The following TMEM156 variants were observed in gnomAD, a reference collection of about 807,000 sequenced individuals.
The protein encoded by TMEM156 is transmembrane protein 156.
Under a neutral mutation model 30.5 loss-of-function variants are expected in TMEM156, and 28 were observed. The observed-to-expected ratio is 0.92, with a 90% CI of 0.68 to 1.26. TMEM156 has a LOEUF of 1.26. Among genes scored for constraint, TMEM156 ranks in the 50% most tolerant of loss-of-function variants. The pLI, the probability that TMEM156 is intolerant of heterozygous loss-of-function variation, is 0.00. For synonymous variants in TMEM156, 137 were observed against 119.9 expected, an observed-to-expected ratio of 1.14 and a Z score of -0.93; for missense variants, 351 against 340.6, an observed-to-expected ratio of 1.03 and a Z score of -0.24.
In TMEM156 at chr4:39,026,797, C is replaced by T. The variant is rs767948502; in HGVS notation, c.88+5429G>A. Reference sequence around the variant, plus strand: ...CAAAAATTAGCTGGACATGGTGGTGCGTGCCTGTAGTCCCAGCTACTCGGG... The same window carrying T: ...CAAAAATTAGCTGGACATGGTGGTGTGTGCCTGTAGTCCCAGCTACTCGGG... On this transcript the variant is annotated intron_variant, in intron 1 of 6. Transcript: ENST00000381938. 2.0e-4 allele frequency among the ~76,000 whole-genome samples: 31 copies of T among 151,870 alleles called. No individual in the cohort carries two copies. In the Middle Eastern group the frequency reaches 0.01, roughly 50 times the overall value.
At chr4:39,023,060 A>G (rs1464988663) in intron 1 of TMEM156, among the ~76,000 whole-genome samples, 2 of 152,158 alleles carry the variant, frequency 1.3e-5, no homozygotes, top group East Asian at 3.9e-4. Flanking sequence ...GTGGGAGGTA[A>G]TTAGGTCATG....
At position 38,973,110 on chromosome 4, in the gene TMEM156, A is replaced by G. The variant is rs373947164; in HGVS notation, c.824-1973T>C. Among the ~76,000 whole-genome samples, 35 of 152,244 alleles carry G rather than the reference A, an allele frequency of 2.3e-4. 1 individual carries two copies. The highest frequency in any genetic ancestry group is 8.2e-4 in the African/African-American group (34 of 41,538). ...TGAGTGTGAGATCTTGATTAAGTTA[A>G]CTTGTTGTCCTAAACGATTATTCAG... On this transcript the variant is annotated intron_variant, in intron 5 of 6. Coordinates refer to ENST00000381938, the MANE Select transcript of TMEM156 (RefSeq NM_024943.3).
intron 2 of TMEM156, 33 bp downstream of exon 2, chr4:38,998,607 A>G (rs1322331023): frequency 2.6e-6 from 4 of 1,565,530 alleles, no homozygotes; most frequent in Non-Finnish European, 8.6e-7. Context: ...TATACCTGAT[A>G]CCATTTTATT....
chr4:38,992,748 TTA>T (rs1553878947), intron 3 of TMEM156, among the ~76,000 whole-genome samples: 757 of 47,704 alleles, frequency 0.016, 15 homozygotes, highest in African/African-American at 0.05. Context: ...ATATAATATA[TTA>T]TATATATATA....
chr4:38,973,260 T>A (rs1385136159), intron 5 of TMEM156, among the ~76,000 whole-genome samples: 4 of 152,222 alleles, frequency 2.6e-5, no homozygotes, highest in African/African-American at 9.6e-5. Flanking sequence ...GATATTGAAA[T>A]GAACTTGTTT....
chr4:38,985,202 T>G (rs1711892677), intron 5 of TMEM156, among the ~76,000 whole-genome samples: 1 of 152,184 alleles, frequency 6.6e-6, no homozygotes, highest in Non-Finnish European at 1.5e-5. Flanking sequence ...ATTTTGCCAT[T>G]GAAAACAACG....
intron 1 of TMEM156, among the ~76,000 whole-genome samples, chr4:39,001,660 G>T (rs923260799): frequency 4.7e-5 from 7 of 149,682 alleles, no homozygotes; most frequent in Non-Finnish European, 1.0e-4. Flanking sequence ...AACCAAAACA[G>T]CATGGTACTG....
chr4:39,031,905 A>AAAAAAAAAAAAAAAAAAAAAAC (rs60499521), intron 1 of TMEM156, among the ~76,000 whole-genome samples: 1 of 129,254 alleles, frequency 7.7e-6, no homozygotes, highest in African/African-American at 2.9e-5. Context: ...AAATAAAAAA[A>AAAAAAAAAAAAAAAAAAAAAAC]TAAAAAAAAA....
Position 38,979,082 on chromosome 4 carries a change from A to G in TMEM156, c.823+7254T>C, listed in dbSNP as rs78485328. Among the ~76,000 whole-genome samples, 23 of 152,364 alleles carry G rather than the reference A, an allele frequency of 1.5e-4. No individual in the cohort carries two copies. The East Asian group carries it at 4.2e-3, about 28-fold the overall frequency. On this transcript the variant is annotated intron_variant, in intron 5 of 6. Transcript: ENST00000381938. Reference sequence around the variant, plus strand: ...GATCTGTATTTCTCTCAATTGTATCATTCTTTATGGATTAATGCACTGGCC... The same window carrying G: ...GATCTGTATTTCTCTCAATTGTATCGTTCTTTATGGATTAATGCACTGGCC...
intron 1 of TMEM156, among the ~76,000 whole-genome samples, chr4:39,023,957 T>C (rs976241221): frequency 6.6e-6 from 1 of 152,254 alleles, no homozygotes; most frequent in African/African-American, 2.4e-5. Context: ...CAATTTATGG[T>C]GACACAGGTC....
chr4:39,027,758 C>CTG (rs374635045), intron 1 of TMEM156, among the ~76,000 whole-genome samples: 1 of 120,796 alleles, frequency 8.3e-6, no homozygotes. Context: ...TTTTCTTTTT[C>CTG]TTTTTTTTTT....
intron 1 of TMEM156, among the ~76,000 whole-genome samples, chr4:39,004,949 T>C (rs564297531): frequency 3.5e-4 from 54 of 152,358 alleles, no homozygotes; most frequent in African/African-American, 1.3e-3. Flanking sequence ...GCAGCTTTCT[T>C]ACTTATAATA....
intron 5 of TMEM156, among the ~76,000 whole-genome samples, chr4:38,979,114 T>C (rs149566513): frequency 1.6e-3 from 241 of 152,312 alleles, no homozygotes; most frequent in African/African-American, 5.5e-3. Context: ...GGCCTTGAGG[T>C]TTTATAAACC....
At chr4:38,994,099 T>C in intron 2 of TMEM156, 101 bp from the exon 3 acceptor site, 1 of 1,083,276 alleles carries the variant, frequency 9.2e-7, no homozygotes, top group Non-Finnish European at 1.3e-6. Context: ...TACAAGAAAG[T>C]AGAAACAAGA....
At position 39,032,301 on chromosome 4, in the gene TMEM156, C is replaced by A. The variant is rs766554584; in HGVS notation, c.13G>T (p.Ala5Ser). MTKT[A>S]LLKLFVAIVI... ...ATTGCCACAAATAATTTAAGGAGGGCTGTTTTTGTCATGTCTCTTCACATG... is the reference window on the plus strand; with the variant it reads ...ATTGCCACAAATAATTTAAGGAGGGATGTTTTTGTCATGTCTCTTCACATG... Residue 5 changes from alanine to serine, a missense_variant, in exon 1 of 7, where the codon GCC becomes TCC. Coordinates refer to ENST00000381938, the MANE Select transcript of TMEM156 (RefSeq NM_024943.3). 1.2e-6 allele frequency: 2 copies of A among 1,606,796 alleles called. No homozygotes were observed. The highest frequency in any genetic ancestry group is 4.5e-5 in the East Asian group (2 of 44,768).
At chr4:38,985,424 T>C (rs1324760142) in intron 5 of TMEM156, among the ~76,000 whole-genome samples, 1 of 152,132 alleles carries the variant, frequency 6.6e-6, no homozygotes, top group Admixed American at 6.6e-5. Context: ...GGGTTCCGTG[T>C]ATCTGCTAAT....
intron 1 of TMEM156, among the ~76,000 whole-genome samples, chr4:39,023,258 T>G (rs1200738544): frequency 2.6e-5 from 4 of 152,180 alleles, no homozygotes; most frequent in African/African-American, 9.7e-5. Context: ...AGGCTGTTGT[T>G]TACAAGTTAC....
At chr4:38,992,764 T>TATATATAATATATATATAATATATATA (rs1560367278) in intron 3 of TMEM156, among the ~76,000 whole-genome samples, 2 of 79,634 alleles carry the variant, frequency 2.5e-5, no homozygotes, top group African/African-American at 8.7e-5. Context: ...ATATATATAT[T>TATATATAATATATATATAATATATATA]TTTTTTTGTC....
chr4:38,971,571 GCTC>G (rs1722596059), intron 5 of TMEM156, among the ~76,000 whole-genome samples: 1 of 152,128 alleles, frequency 6.6e-6, no homozygotes, highest in African/African-American at 2.4e-5. Context: ...CTGTCTTCCT[GCTC>G]ATGACTGTAT....
Sources: allele counts gnomAD v4.1 joint callset (sites outside exome capture counted in the v4.1 genomes callset), GRCh38; gene constraint gnomAD v4.1.1; transcripts MANE v1.5; gene names NCBI Gene and HGNC (gene_info 2026-07-23, HGNC 2026-07-21).